The following TUT4 variants were observed in gnomAD, a reference collection of about 807,000 sequenced individuals.
The protein encoded by TUT4 is terminal uridylyl transferase 4, also known as terminal uridylyltransferase 4.
In TUT4, 36 loss-of-function variants were observed where a neutral mutation model predicts 192.2. The observed-to-expected ratio is 0.19, with a 90% confidence interval of 0.14 to 0.25. The LOEUF (loss-of-function observed/expected upper bound fraction) is 0.25. Ranked by LOEUF, TUT4 falls within the 10% of genes least tolerant of loss-of-function variation. The probability of loss-of-function intolerance (pLI) is 1.00; values close to 1 mark genes in which losing one functional copy is unlikely to be tolerated. For missense variants in TUT4, 1,493 were observed against 1,957.2 expected (o/e 0.76, Z 4.47); for synonymous variants, 618 against 666.0 (o/e 0.93, Z 1.11).
intron 28 of TUT4, among the ~76,000 whole-genome samples, chr1:52,430,134 TTA>T (rs1164807906): frequency 6.6e-6 from 1 of 152,164 alleles, no homozygotes; most frequent in East Asian, 1.9e-4. Flanking sequence ...TAATGAACAT[TTA>T]TTACTTAGAT....
intron 3 of TUT4, chr1:52,515,436 T>A (rs1678470311): frequency 5.6e-6 from 1 of 179,608 alleles, no homozygotes; most frequent in East Asian, 1.4e-4. Flanking sequence ...TTGGTAGACA[T>A]TTTATGCTTT....
chr1:52,545,307 C>G (rs1687775297), intron 1 of TUT4, among the ~76,000 whole-genome samples: 1 of 148,072 alleles, frequency 6.8e-6, no homozygotes, highest in African/African-American at 2.5e-5. Context: ...AGCCTGGGAG[C>G]TGGAGATTGT....
chr1:52,434,242 T>A (rs932916869), intron 27 of TUT4: 3 of 152,262 alleles, frequency 2.0e-5, no homozygotes, highest in Non-Finnish European at 2.9e-5. Flanking sequence ...AATACTTGAA[T>A]GTTTTTTCTA....
chr1:52,524,064 A>AC (rs1681040126), intron 2 of TUT4, among the ~76,000 whole-genome samples: 2 of 152,344 alleles, frequency 1.3e-5, no homozygotes, highest in African/African-American at 4.8e-5. Context: ...CAATATTTCT[A>AC]AACAATTAAA....
At chr1:52,465,198 A>C (rs1663759473) in intron 15 of TUT4, 25 bp from the exon 16 acceptor site, 1 of 1,578,574 alleles carries the variant, frequency 6.3e-7, no homozygotes, top group East Asian at 2.2e-5. Flanking sequence ...ACAAAGTCCA[A>C]GGCCTTATTA....
chr1:52,448,532 T>C (rs1159259088), intron 20 of TUT4, among the ~76,000 whole-genome samples: 2 of 136,154 alleles, frequency 1.5e-5, no homozygotes, highest in Non-Finnish European at 3.0e-5. Context: ...GAGGTTGCAA[T>C]GAGCTGAGAT....
chr1:52,440,866 A>G (rs1655306855), intron 24 of TUT4, among the ~76,000 whole-genome samples: 3 of 152,354 alleles, frequency 2.0e-5, no homozygotes, highest in African/African-American at 7.2e-5. Context: ...ATATGCTAAT[A>G]CTAATAATTA....
intron 24 of TUT4, among the ~76,000 whole-genome samples, chr1:52,445,370 T>C (rs1429806920): frequency 6.6e-6 from 1 of 152,198 alleles, no homozygotes; most frequent in Non-Finnish European, 1.5e-5. Flanking sequence ...TTGTCTTCTA[T>C]GTGTATATTT....
At chr1:52,444,489 T>C (rs1656759692) in intron 24 of TUT4, among the ~76,000 whole-genome samples, 1 of 152,014 alleles carries the variant, frequency 6.6e-6, no homozygotes, top group Non-Finnish European at 1.5e-5. Context: ...ACATTCACTA[T>C]GCAATGTAAA....
chr1:52,537,022 T>C (rs1309897856), intron 1 of TUT4, among the ~76,000 whole-genome samples: 3 of 151,666 alleles, frequency 2.0e-5, no homozygotes, highest in Admixed American at 6.6e-5. Context: ...TAGCCGGGCA[T>C]GGTGGCGTGC....
chr1:52,481,668 A>G (rs1668496826), intron 10 of TUT4, 33 bp from the exon 11 acceptor site: 2 of 1,554,272 alleles, frequency 1.3e-6, no homozygotes, highest in Admixed American at 4.3e-5. Context: ...TTGGTAGTGG[A>G]AAAATTATTT....
chr1:52,508,850 CTA>C (rs1458033798), intron 4 of TUT4, among the ~76,000 whole-genome samples: 1 of 152,198 alleles, frequency 6.6e-6, no homozygotes, highest in Non-Finnish European at 1.5e-5. Context: ...CTATTCATAT[CTA>C]TGTCTATGGG....
At chr1:52,510,338 A>G (rs1007875480) in intron 3 of TUT4, among the ~76,000 whole-genome samples, 22 of 149,258 alleles carry the variant, frequency 1.5e-4, no homozygotes, top group African/African-American at 4.6e-4. Flanking sequence ...AAAAAAAAAA[A>G]AAAGAAAAGT....
At chr1:52,543,692 C>T (rs1031283548) in intron 1 of TUT4, among the ~76,000 whole-genome samples, 1 of 151,964 alleles carries the variant, frequency 6.6e-6, no homozygotes, top group East Asian at 2.0e-4. Flanking sequence ...CCATGTTGGT[C>T]AGGCTGGTCT....
intron 7 of TUT4, 25 bp downstream of exon 7, chr1:52,493,585 AG>A (rs201219817): frequency 2.9e-6 from 4 of 1,402,034 alleles, no homozygotes; most frequent in East Asian, 2.4e-5. Context: ...AAAAAAAAAA[AG>A]AAAAGAAAAA....
chr1:52,471,801 AAT>A, intron 14 of TUT4, 149 bp downstream of exon 14: 1 of 797,920 alleles, frequency 1.3e-6, no homozygotes, highest in East Asian at 2.8e-5. Context: ...CCCTGCACAT[AAT>A]AGTCATTTAG....
At chr1:52,507,118 G>A (rs1675815234) in intron 4 of TUT4, among the ~76,000 whole-genome samples, 1 of 152,212 alleles carries the variant, frequency 6.6e-6, no homozygotes, top group Admixed American at 6.5e-5. Flanking sequence ...TCCTGTATGA[G>A]CACCAATCAC....
intron 16 of TUT4, 179 bp downstream of exon 16, chr1:52,464,886 TACTTA>T (rs1663684959): frequency 4.7e-6 from 2 of 427,004 alleles, no homozygotes; most frequent in East Asian, 7.3e-5. Flanking sequence ...GAAACACTTT[TACTTA>T]AGAGTTCAAT....
intron 1 of TUT4, among the ~76,000 whole-genome samples, chr1:52,533,160 T>C (rs370988779): frequency 6.6e-6 from 1 of 152,190 alleles, no homozygotes; most frequent in Non-Finnish European, 1.5e-5. Flanking sequence ...CAATGTAACT[T>C]AGGCCCCTGA....
Sources: gnomAD v4.1 joint callset for allele counts (sites outside exome capture counted in the v4.1 genomes callset) on GRCh38, gnomAD v4.1.1 for gene constraint, MANE v1.5 for transcripts, NCBI Gene and HGNC (gene_info 2026-07-23, HGNC 2026-07-21) for gene names.